THAP8: variants seen among roughly 807,000 people sequenced by gnomAD.
THAP8 encodes the protein THAP domain containing 8.
Under a neutral mutation model 25.0 loss-of-function variants are expected in THAP8, and 24 were observed. That is an observed-to-expected ratio of 0.96 (90% CI 0.69 to 1.35). The LOEUF is 1.35. Ranked by LOEUF, THAP8 falls within the 40% of genes most tolerant of loss-of-function variation. The probability of loss-of-function intolerance (pLI) is 0.00; values close to 1 mark genes in which losing one functional copy is unlikely to be tolerated. For missense variants in THAP8, 399 were observed against 368.8 expected (o/e 1.08, Z -0.67); for synonymous variants, 169 against 157.6 (o/e 1.07, Z -0.54).
intron 3 of THAP8, among the ~76,000 whole-genome samples, chr19:36,036,647 T>C (rs1055744866): frequency 2.0e-5 from 3 of 151,912 alleles, no homozygotes; most frequent in African/African-American, 7.3e-5. Flanking sequence ...TGACTATCAA[T>C]CTGAGACTCC....
rs1284426007 is a variant in THAP8, at chr19:36,054,143, G to C, written c.75C>G (p.Ser25Arg). 9 of 1,613,476 alleles carry C rather than the reference G, an allele frequency of 5.6e-6. No individual in the cohort carries two copies. Among genetic ancestry groups the C allele is most frequent in the East Asian group, 4.5e-5 (2 of 44,874 alleles). The change falls in exon 1 of 4, where the codon AGC becomes AGG. Residue 25 changes from serine (S) to arginine (R), a missense_variant. Ser to Arg is a moderately radical substitution (Grantham distance 110, BLOSUM62 -1). Coordinates refer to ENST00000292894, the MANE Select transcript of THAP8 (RefSeq NM_152658.3). The stretch of plus-strand genomic sequence containing the variant: ...CCCCGCGCTGCGCTCACTTGTAGAA[G>C]CTCACAGGGCGGTTGTCTGCACCCA... ...GRLGADNRPV[S>R]FYKFPLKDGP...
In THAP8 at chr19:36,043,358, T is replaced by C. The variant is rs1428034064; in HGVS notation, c.84-3222A>G. ...ATATGAGGTAGAACAGTCAAATTCC[T>C]AGAGACAGACAGTGGAATGGTGGTT... On this transcript the variant is annotated intron_variant, in intron 1 of 3. Coordinates refer to ENST00000292894, the MANE Select transcript of THAP8 (RefSeq NM_152658.3). 3.3e-5 allele frequency among the ~76,000 whole-genome samples: 5 copies of C among 152,186 alleles called. No individual in the cohort carries two copies. In the East Asian group the frequency reaches 9.7e-4, roughly 29 times the overall value.
intron 1 of THAP8, among the ~76,000 whole-genome samples, chr19:36,051,456 C>G (rs1177948233): frequency 1.3e-5 from 2 of 151,956 alleles, no homozygotes; most frequent in African/African-American, 2.4e-5. Context: ...CAGGCTCCCT[C>G]TGGCTGCAAG....
At chr19:36,052,159 C>T (rs1029558189) in intron 1 of THAP8, among the ~76,000 whole-genome samples, 1 of 152,140 alleles carries the variant, frequency 6.6e-6, no homozygotes, top group Admixed American at 6.5e-5. Context: ...ATCCTCCTGC[C>T]TCAGCCTCCC....
At chr19:36,054,623 TGGC>T, upstream of THAP8, 1 of 544,378 alleles carries the variant, frequency 1.8e-6, no homozygotes. Context: ...TTCCTCTAGG[TGGC>T]GGCAAAAACC....
intron 3 of THAP8, among the ~76,000 whole-genome samples, chr19:36,039,060 A>G (rs34036400): frequency 1.8e-4 from 27 of 152,172 alleles, no homozygotes; most frequent in Non-Finnish European, 3.2e-4. Context: ...AAACCTAGAA[A>G]TTTGTTTTAA....
chr19:36,036,181 G>A (rs543837829), intron 3 of THAP8, among the ~76,000 whole-genome samples: 2 of 152,066 alleles, frequency 1.3e-5, no homozygotes, highest in Admixed American at 1.3e-4. Context: ...AGGCCCCAGA[G>A]GCAGCCACAC....
intron 1 of THAP8, among the ~76,000 whole-genome samples, chr19:36,048,139 G>A (rs1027906984): frequency 3.5e-4 from 54 of 152,134 alleles, no homozygotes; most frequent in African/African-American, 1.3e-3. Flanking sequence ...CCTCCTGCAA[G>A]ACCAGCAATA....
At position 36,035,475 on chromosome 19, in the gene THAP8, G is replaced by T. The variant is rs1245571917; in HGVS notation, c.790C>A (p.Pro264Thr). 2 of 1,614,124 alleles carry T rather than the reference G, an allele frequency of 1.2e-6. No individual in the cohort carries two copies. The highest frequency in any genetic ancestry group is 8.5e-7 in the Non-Finnish European group (1 of 1,179,998). ...GGGATCCGAGTGTCCAGGAGCTCCGGCTTGGCATCCACTGTGGCAGGTGCA... is the reference window on the plus strand; with the variant it reads ...GGGATCCGAGTGTCCAGGAGCTCCGTCTTGGCATCCACTGTGGCAGGTGCA... ...DPAPATVDAKPELLDTRIPSA is the reference protein window; with the variant it reads ...DPAPATVDAKTELLDTRIPSA The change falls in exon 4 of 4, where the codon CCG becomes ACG. Residue 264 changes from proline to threonine, a missense_variant. Coordinates refer to ENST00000292894, the MANE Select transcript of THAP8 (RefSeq NM_152658.3).
chr19:36,040,259 C>G, intron 1 of THAP8, 123 bp from the exon 2 acceptor site: 1 of 1,003,682 alleles, frequency 1.0e-6, no homozygotes, highest in Non-Finnish European at 1.4e-6. Flanking sequence ...AGGAAGTAGA[C>G]CTGTCTTGTG....
At chr19:36,035,918 A>T (rs1203775858) in intron 3 of THAP8, among the ~76,000 whole-genome samples, 2 of 152,000 alleles carry the variant, frequency 1.3e-5, no homozygotes, top group Admixed American at 6.6e-5. Context: ...AGATAAAGAG[A>T]GACACAGGGA....
At position 36,045,226 on chromosome 19, in the gene THAP8, T is replaced by G. The variant is rs1969836884; in HGVS notation, c.84-5090A>C. ...CCTCAGCCTCCCGAGTAGCTGGGAC[T>G]ACAGGCGCCCGCCACCACGTCCGGC... On this transcript the variant is annotated intron_variant, in intron 1 of 3. Coordinates refer to ENST00000292894, the MANE Select transcript of THAP8 (RefSeq NM_152658.3). Among the ~76,000 whole-genome samples, 6 of 152,118 alleles carry G rather than the reference T, an allele frequency of 3.9e-5. No homozygotes were observed. In the South Asian group the frequency reaches 1.2e-3, roughly 31 times the overall value.
At position 36,052,185 on chromosome 19, in the gene THAP8, C is replaced by A. The variant is rs185040845; in HGVS notation, c.83+1950G>T. Among the ~76,000 whole-genome samples the A allele has an allele frequency of 1.9e-3, 285 of 152,282 alleles. 3 individuals carry two copies. The highest frequency in any genetic ancestry group is 6.7e-3 in the African/African-American group (278 of 41,552). Reference sequence around the variant, plus strand: ...TCAGCCTCCCAAGTAGCTGGGATTACAGGCATGTGCCACCACACCTAGCTA... The same window carrying A: ...TCAGCCTCCCAAGTAGCTGGGATTAAAGGCATGTGCCACCACACCTAGCTA... On this transcript the variant is annotated intron_variant, in intron 1 of 3. Transcript: ENST00000292894.
intron 1 of THAP8, 125 bp from the exon 2 acceptor site, chr19:36,040,261 T>G (rs1359127861): frequency 1.0e-6 from 1 of 973,224 alleles, no homozygotes; most frequent in Non-Finnish European, 1.5e-6. Context: ...GAAGTAGACC[T>G]GTCTTGTGCC....
chr19:36,045,981 G>A (rs1302359049), intron 1 of THAP8: 2 of 413,088 alleles, frequency 4.8e-6, no homozygotes, highest in Non-Finnish European at 4.8e-6. Context: ...TGTAATAAAG[G>A]GAGAAATAAG....
intron 1 of THAP8, among the ~76,000 whole-genome samples, chr19:36,042,189 C>T (rs763202944): frequency 6.6e-6 from 1 of 152,132 alleles, no homozygotes; most frequent in East Asian, 1.9e-4. Context: ...GAATGTAAAA[C>T]GGTGCTGCCA....
chr19:36,049,155 G>A (rs556436145), intron 1 of THAP8, among the ~76,000 whole-genome samples: 62 of 152,080 alleles, frequency 4.1e-4, no homozygotes, highest in African/African-American at 1.3e-3. Context: ...GAGCTGGTCC[G>A]AGTGTTGTGG....
rs1019654317 is a variant in THAP8 at position 36,053,141 on chromosome 19, C to T, written c.83+994G>A. Among the ~76,000 whole-genome samples the T allele has an allele frequency of 2.6e-5, 4 of 152,092 alleles. No individual in the cohort carries two copies. In the East Asian group the frequency reaches 7.8e-4, roughly 29 times the overall value. On this transcript the variant is annotated intron_variant, in intron 1 of 3. Transcript: ENST00000292894. ...GGATTGCAGTGGCCTCATCTTGGCT[C>T]ACTGCAACCTCTGCCTTCTGGATTC...
At chr19:36,036,940 CAAAA>C (rs10522467) in intron 3 of THAP8, among the ~76,000 whole-genome samples, 2 of 113,176 alleles carry the variant, frequency 1.8e-5, no homozygotes, top group African/African-American at 6.9e-5. Context: ...GACTCCTTCT[CAAAA>C]AAAAAAAAAA....
Sources: gnomAD v4.1 joint callset for allele counts (sites outside exome capture counted in the v4.1 genomes callset) on GRCh38, gnomAD v4.1.1 for gene constraint, MANE v1.5 for transcripts, NCBI Gene and HGNC (gene_info 2026-07-23, HGNC 2026-07-21) for gene names.